The following CA6 variants were observed in gnomAD, a reference collection of about 807,000 sequenced individuals.
The protein encoded by CA6 is carbonate dehydratase VI.
A neutral mutation model predicts 35.9 loss-of-function variants in CA6; 28 were observed. The observed-to-expected ratio is 0.78, with a 90% CI of 0.58 to 1.07. The LOEUF (loss-of-function observed/expected upper bound fraction) is 1.07. Ranked by LOEUF, CA6 falls within the 50% of genes least tolerant of loss-of-function variation. CA6 has a pLI of 0.00. For missense variants in CA6, 377 were observed against 382.0 expected, an observed-to-expected ratio of 0.99 and a Z score of 0.11; for synonymous variants, 148 against 152.6, an observed-to-expected ratio of 0.97 and a Z score of 0.22.
At chr1:8,968,824 TG>T (rs1344896780) in intron 6 of CA6, among the ~76,000 whole-genome samples, 1 of 151,568 alleles carries the variant, frequency 6.6e-6, no homozygotes, top group African/African-American at 2.4e-5. Flanking sequence ...GAGATCAGCC[TG>T]GCCAACATGG....
At chr1:8,956,076 A>G (rs1439348122) in intron 2 of CA6, among the ~76,000 whole-genome samples, 1 of 151,972 alleles carries the variant, frequency 6.6e-6, no homozygotes, top group East Asian at 1.9e-4. Flanking sequence ...TACAAAAATT[A>G]GCCGGGCATG....
intron 7 of CA6, 119 bp downstream of exon 7, chr1:8,971,100 G>A: frequency 2.8e-6 from 2 of 715,872 alleles, no homozygotes; most frequent in South Asian, 3.2e-5. Context: ...AGTAGCAAGA[G>A]GCTCAGGTGG....
At chr1:8,962,452 A>G (rs1639864433) in intron 4 of CA6, 135 bp from the exon 5 acceptor site, 1 of 716,524 alleles carries the variant, frequency 1.4e-6, no homozygotes, top group Admixed American at 2.2e-5. Context: ...CTGCCAAAAC[A>G]CAAGACGGCA....
intron 7 of CA6, chr1:8,974,362 G>C (rs3765964): frequency 5.9e-5 from 90 of 1,521,838 alleles, no homozygotes; most frequent in Non-Finnish European, 7.8e-5. Context: ...GGCCACGGGG[G>C]GCATCGTGGG....
intron 5 of CA6, among the ~76,000 whole-genome samples, chr1:8,965,679 G>A (rs1300528959): frequency 6.6e-6 from 1 of 152,112 alleles, no homozygotes; most frequent in Non-Finnish European, 1.5e-5. Flanking sequence ...CTTGAGGTCA[G>A]GAGTTTGAGA....
chr1:8,973,498 G>C (rs186673396), intron 7 of CA6, among the ~76,000 whole-genome samples: 1 of 152,238 alleles, frequency 6.6e-6, no homozygotes, highest in East Asian at 1.9e-4. Context: ...TCTAGGTACC[G>C]GCCCCAGACT....
chr1:8,967,240 C>A (rs1317618250), intron 5 of CA6, among the ~76,000 whole-genome samples: 1 of 152,150 alleles, frequency 6.6e-6, no homozygotes, highest in Non-Finnish European at 1.5e-5. Context: ...TTATTTCTTT[C>A]ATTGATCATA....
At chr1:8,969,668 T>C (rs1345313940) in intron 6 of CA6, among the ~76,000 whole-genome samples, 2 of 151,688 alleles carry the variant, frequency 1.3e-5, no homozygotes, top group African/African-American at 4.8e-5. Flanking sequence ...TGTGTGTGTA[T>C]ACACAACATC....
At chr1:8,957,025 G>T in intron 2 of CA6, 112 bp from the exon 3 acceptor site, 1 of 943,354 alleles carries the variant, frequency 1.1e-6, no homozygotes, top group African/African-American at 1.7e-5. Flanking sequence ...CTATGGTATT[G>T]GCTTGCCCTG....
chr1:8,968,907 A>T (rs1025123045), intron 6 of CA6, among the ~76,000 whole-genome samples: 2 of 151,546 alleles, frequency 1.3e-5, no homozygotes, highest in Non-Finnish European at 2.9e-5. Flanking sequence ...AATCCCAGCT[A>T]CCCCAGAGGC....
chr1:8,947,416 A>C (rs1469222235), intron 1 of CA6, among the ~76,000 whole-genome samples: 2 of 152,072 alleles, frequency 1.3e-5, no homozygotes, highest in East Asian at 3.9e-4. Flanking sequence ...ATGATCTGTT[A>C]AGTCAAGGGC....
At chr1:8,973,704 T>TC (rs1553164133) in intron 7 of CA6, among the ~76,000 whole-genome samples, 1 of 126,816 alleles carries the variant, frequency 7.9e-6, no homozygotes, top group African/African-American at 3.1e-5. Context: ...GGATTTTTCT[T>TC]TCTCTCTCTT....
In CA6 at chr1:8,962,599, C is replaced by A. The variant is rs759501323; in HGVS notation, c.514C>A (p.Pro172Thr). ...TGTTTCTCTGCAGGTGAAGAATTAC[C>A]CTGAAAACACTTATTACAGCAACTT... Reference protein sequence around the residue: ...LAAFVEVKNYPENTYYSNFIS... With the variant: ...LAAFVEVKNYTENTYYSNFIS... The change falls in exon 5 of 8, where the codon CCT (proline) becomes ACT (threonine). Residue 172 changes from proline to threonine, a missense_variant. Physicochemically the swap from Pro to Thr is conservative, Grantham distance 38. Coordinates refer to ENST00000377443, the MANE Select transcript of CA6 (RefSeq NM_001215.4). 3 of 1,613,748 alleles carry A rather than the reference C, an allele frequency of 1.9e-6. No homozygotes were observed. The highest frequency in any genetic ancestry group is 4.5e-5 in the East Asian group (2 of 44,886).
At position 8,963,273 on chromosome 1, in the gene CA6, A is replaced by T. The variant is rs1639891971; in HGVS notation, c.571+617A>T. On this transcript the variant is annotated intron_variant, in intron 5 of 7. Transcript: ENST00000377443. The surrounding 1 kb of genome is among the most constrained non-coding windows in gnomAD (Gnocchi z 4.1). ...GCAATTCACCTGACCGGAGTCCTCC[A>T]AACCTGGGGCTTCCACATTCTTGCT... 6.6e-6 allele frequency among the ~76,000 whole-genome samples: 1 copy of T among 152,078 alleles called. No homozygotes were observed. The highest frequency in any genetic ancestry group is 2.1e-4 in the South Asian group (1 of 4,822).
rs146730049 is a variant in CA6 at position 8,961,097 on chromosome 1, CA to C, written c.502-1488del. Among the ~76,000 whole-genome samples, 142 of 151,916 alleles carry C rather than the reference CA, an allele frequency of 9.3e-4. 2 individuals carry two copies. In the East Asian group the frequency reaches 0.021, roughly 22 times the overall value. ...GACTGTCAATCAAGAATTCTATATC[CA>C]ATAAACCACCCTTCAAAAATGAAGG... is the stretch of plus-strand genomic sequence containing the variant. On this transcript the variant is annotated intron_variant, in intron 4 of 7. Coordinates refer to ENST00000377443, the MANE Select transcript of CA6 (RefSeq NM_001215.4).
At position 8,963,851 on chromosome 1, in the gene CA6, A is replaced by G. The variant is rs1197459937; in HGVS notation, c.571+1195A>G. Among the ~76,000 whole-genome samples, 1 of 152,118 alleles carries G rather than the reference A, an allele frequency of 6.6e-6. No homozygotes were observed. The highest frequency in any genetic ancestry group is 1.5e-5 in the Non-Finnish European group (1 of 68,010). ...CCACCACACCTGGCCAACTGGTATT[A>G]TTTTTTATTCATAGCTACAAATATG... On this transcript the variant is annotated intron_variant, in intron 5 of 7. Transcript: ENST00000377443. The surrounding 1 kb of genome is among the most constrained non-coding windows in gnomAD (Gnocchi z 4.1).
chr1:8,969,117 C>A (rs1035641294), intron 6 of CA6, among the ~76,000 whole-genome samples: 1 of 152,002 alleles, frequency 6.6e-6, no homozygotes, highest in African/African-American at 2.4e-5. Context: ...GGTTCGAGAC[C>A]AGCCTGGCCA....
chr1:8,972,420 C>T (rs1640133864), intron 7 of CA6, among the ~76,000 whole-genome samples: 1 of 152,150 alleles, frequency 6.6e-6, no homozygotes, highest in Non-Finnish European at 1.5e-5. Flanking sequence ...CGCCTGTAAT[C>T]CCAGCACTTT....
chr1:8,973,744 CTT>C lies in CA6; in HGVS notation c.845-876_845-875del, dbSNP rs1291501347. On this transcript the variant is annotated intron_variant, in intron 7 of 7. Transcript: ENST00000377443. The stretch of plus-strand genomic sequence containing the variant: ...TCTTTCTTTCTTTCTTTCTTTCTTT[CTT>C]TCTTTCTTTCTTTCTTTCTTTCTTT... Among the ~76,000 whole-genome samples the C allele has an allele frequency of 1.0e-4, 2 of 19,686 alleles. 1 individual carries two copies. The highest frequency in any genetic ancestry group is 8.8e-4 in the African/African-American group (2 of 2,272). The allele number at this position is 19,686 out of a possible 152,430, so 12.9% of individuals were successfully genotyped here.
Sources: allele counts gnomAD v4.1 joint callset (sites outside exome capture counted in the v4.1 genomes callset), GRCh38; gene constraint gnomAD v4.1.1; non-coding constraint Gnocchi (gnomAD v3.1); transcripts MANE v1.5; gene names NCBI Gene and HGNC (gene_info 2026-07-23, HGNC 2026-07-21).